PPP2CA: variants seen among roughly 807,000 people sequenced by gnomAD.
PPP2CA encodes protein phosphatase 2 catalytic subunit alpha.
Under a neutral mutation model 38.8 loss-of-function variants are expected in PPP2CA, and 5 were observed. That is an observed-to-expected ratio of 0.13 (90% CI 0.07 to 0.27). The LOEUF (loss-of-function observed/expected upper bound fraction) is 0.27. PPP2CA is among the 10% of genes least tolerant of loss of function. PPP2CA has a pLI of 1.00. For missense variants in PPP2CA, 88 were observed against 389.7 expected (o/e 0.23, Z 6.52); for synonymous variants, 152 against 134.0 (o/e 1.13, Z -0.93).
chr5:134,207,382 G>A (rs1411236564), intron 1 of PPP2CA, among the ~76,000 whole-genome samples: 1 of 152,154 alleles, frequency 6.6e-6, no homozygotes, highest in African/African-American at 2.4e-5. Flanking sequence ...TCCAGCCTGG[G>A]TGACAGACCA....
chr5:134,195,714 AGAAGGTAGG>A lies in PPP2CA; in HGVS notation c.*2049_*2057del, dbSNP rs1761834645. On this transcript the variant is annotated 3_prime_UTR_variant, in exon 7 of 7. Transcript: ENST00000481195. ...TTTCCTTACCATAGCCATTTTCAAA[AGAAGGTAGG>A]GTACTAACACTTTCCAGTTTAGATG... 6.6e-6 allele frequency: 1 copy of A among 152,248 alleles called. No individual in the cohort carries two copies. The highest frequency in any genetic ancestry group is 1.5e-5 in the Non-Finnish European group (1 of 68,038). 9.4% of individuals were successfully genotyped at this position (152,248 alleles called of 1,614,324 possible).
Position 134,194,554 on chromosome 5 carries a change from T to A in PPP2CA, c.*3218A>T, listed in dbSNP as rs1029823138. 1 of 152,396 alleles carries A rather than the reference T, an allele frequency of 6.6e-6. No individual in the cohort carries two copies. The highest frequency in any genetic ancestry group is 1.9e-4 in the East Asian group (1 of 5,186). 9.4% of individuals were successfully genotyped at this position (152,396 alleles called of 1,614,324 possible). A position where few individuals can be genotyped will look rare whatever the true frequency, so the allele number is the denominator to read the frequency against. ...CATTTTAATTCCTTATCAACATCCA[T>A]GAACCACCACCATGTATCCCAATTT... is the stretch of plus-strand genomic sequence containing the variant. On this transcript the variant is annotated 3_prime_UTR_variant, in exon 7 of 7. Transcript: ENST00000481195.
intron 1 of PPP2CA, among the ~76,000 whole-genome samples, chr5:134,217,488 T>C (rs1419668094): frequency 2.6e-5 from 4 of 152,242 alleles, no homozygotes; most frequent in Non-Finnish European, 5.9e-5. Context: ...AAATTCTTAA[T>C]AAGTAAAATT....
chr5:134,199,236 T>C, intron 5 of PPP2CA, 32 bp from the exon 6 acceptor site: 1 of 1,493,090 alleles, frequency 6.7e-7, no homozygotes, highest in East Asian at 2.3e-5. Context: ...AATCTTACTT[T>C]ACTCCCTCAA....
At chr5:134,216,154 T>A (rs1762315271) in intron 1 of PPP2CA, among the ~76,000 whole-genome samples, 1 of 152,240 alleles carries the variant, frequency 6.6e-6, no homozygotes, top group Admixed American at 6.5e-5. Flanking sequence ...AAATACGAGT[T>A]CCAATATTTG....
intron 3 of PPP2CA, among the ~76,000 whole-genome samples, 164 bp downstream of exon 3, chr5:134,201,684 A>G (rs1761969390): frequency 6.6e-6 from 1 of 152,246 alleles, no homozygotes; most frequent in Non-Finnish European, 1.5e-5. Flanking sequence ...AAAGTTGGAC[A>G]CATTTGTCAA....
At chr5:134,203,881 A>C (rs1762020400) in intron 2 of PPP2CA, among the ~76,000 whole-genome samples, 1 of 152,098 alleles carries the variant, frequency 6.6e-6, no homozygotes, top group Non-Finnish European at 1.5e-5. Context: ...TGTCTGGCTA[A>C]AATTGTTTTC....
chr5:134,201,191 T>C, intron 3 of PPP2CA, 117 bp from the exon 4 acceptor site: 1 of 726,796 alleles, frequency 1.4e-6, no homozygotes, highest in Admixed American at 2.4e-5. Flanking sequence ...GCAGGAGGGC[T>C]GCTTGAGGCC....
chr5:134,200,214 TA>T, intron 5 of PPP2CA, 120 bp downstream of exon 5: 1 of 1,143,514 alleles, frequency 8.7e-7, no homozygotes, highest in South Asian at 1.9e-5. Flanking sequence ...GCTATAATGA[TA>T]AACTCATCAG....
intron 1 of PPP2CA, among the ~76,000 whole-genome samples, chr5:134,217,784 G>A (rs1762353291): frequency 6.6e-6 from 1 of 152,160 alleles, no homozygotes. Flanking sequence ...CTTAATCGCA[G>A]GGATACATCA....
intron 2 of PPP2CA, among the ~76,000 whole-genome samples, chr5:134,204,423 T>C (rs1201360445): frequency 6.6e-6 from 1 of 152,252 alleles, no homozygotes; most frequent in African/African-American, 2.4e-5. Flanking sequence ...GCATGTAATT[T>C]TGGAACTTGC....
intron 1 of PPP2CA, among the ~76,000 whole-genome samples, chr5:134,218,203 A>G (rs1160376777): frequency 5.3e-5 from 8 of 151,958 alleles, no homozygotes; most frequent in Admixed American, 2.0e-4. Flanking sequence ...CAGTATGGTT[A>G]TATTTTAAAA....
chr5:134,221,259 G>A (rs921259771), intron 1 of PPP2CA, among the ~76,000 whole-genome samples: 1 of 152,144 alleles, frequency 6.6e-6, no homozygotes, highest in African/African-American at 2.4e-5. Flanking sequence ...CTACAGGTGT[G>A]TGCCACCACG....
intron 1 of PPP2CA, among the ~76,000 whole-genome samples, chr5:134,216,100 T>C (rs1461720698): frequency 6.6e-6 from 1 of 152,190 alleles, no homozygotes; most frequent in East Asian, 1.9e-4. Context: ...CACATAACAG[T>C]ACCAATTCTG....
intron 2 of PPP2CA, among the ~76,000 whole-genome samples, chr5:134,204,087 T>G (rs577015253): frequency 3.3e-4 from 50 of 152,282 alleles, no homozygotes; most frequent in African/African-American, 1.1e-3. Flanking sequence ...AAAATAACGA[T>G]CTCCAAAAAT....
chr5:134,225,659 C>G (rs1762559413), intron 1 of PPP2CA, 101 bp downstream of exon 1: 1 of 1,084,118 alleles, frequency 9.2e-7, no homozygotes, highest in Non-Finnish European at 1.3e-6. Context: ...CTCGGGGGGC[C>G]CGGACCGGCG....
chr5:134,213,426 A>AG (rs940569461), intron 1 of PPP2CA, among the ~76,000 whole-genome samples: 2 of 151,586 alleles, frequency 1.3e-5, no homozygotes, highest in African/African-American at 4.9e-5. Context: ...GAAAAAAAAA[A>AG]AAGATTCCTT....
intron 1 of PPP2CA, among the ~76,000 whole-genome samples, chr5:134,221,873 C>G (rs1762451434): frequency 6.7e-6 from 1 of 149,268 alleles, no homozygotes; most frequent in Admixed American, 6.8e-5. Context: ...GAGACTGATG[C>G]AGGAGAACTG....
At chr5:134,200,164 CT>C (rs1489473743) in intron 5 of PPP2CA, among the ~76,000 whole-genome samples, 170 bp downstream of exon 5, 3 of 152,216 alleles carry the variant, frequency 2.0e-5, no homozygotes, top group African/African-American at 4.8e-5. Flanking sequence ...AAAGCTTGAG[CT>C]TTTAATTCTA....
Sources: allele counts gnomAD v4.1 joint callset (sites outside exome capture counted in the v4.1 genomes callset), GRCh38; gene constraint gnomAD v4.1.1; transcripts MANE v1.5; gene names NCBI Gene and HGNC (gene_info 2026-07-23, HGNC 2026-07-21).